Variants in TTC29 observed in about 807,000 individuals in gnomAD.
The protein encoded by TTC29 is tetratricopeptide repeat protein 29.
A neutral mutation model predicts 58.1 loss-of-function variants in TTC29; 49 were observed. That is an observed-to-expected ratio of 0.84 (90% CI 0.67 to 1.07). TTC29 has a LOEUF of 1.07. Among genes scored for constraint, TTC29 ranks in the 50% least tolerant of loss-of-function variants. The pLI is 0.00. For synonymous variants in TTC29, 209 were observed against 196.8 expected, an observed-to-expected ratio of 1.06 and a Z score of -0.52; for missense variants, 582 against 555.6, an observed-to-expected ratio of 1.05 and a Z score of -0.48.
intron 5 of TTC29, among the ~76,000 whole-genome samples, chr4:146,904,356 G>A (rs1733380131): frequency 1.3e-5 from 2 of 152,038 alleles, no homozygotes; most frequent in South Asian, 4.1e-4. Flanking sequence ...TTTTCTATGG[G>A]TATTTTTTTG....
intron 6 of TTC29, among the ~76,000 whole-genome samples, chr4:146,891,081 C>T (rs959969848): frequency 6.6e-5 from 10 of 152,022 alleles, no homozygotes; most frequent in Admixed American, 2.6e-4. Flanking sequence ...TGAAGGGGCT[C>T]AGAAGTTTAT....
intron 11 of TTC29, among the ~76,000 whole-genome samples, chr4:146,744,882 C>T (rs953178351): frequency 5.9e-5 from 9 of 152,056 alleles, no homozygotes; most frequent in Admixed American, 2.0e-4. Context: ...CCCAACAAGA[C>T]GTGTGAGTTG....
intron 11 of TTC29, among the ~76,000 whole-genome samples, chr4:146,741,942 T>G (rs17021891): frequency 0.048 from 7,325 of 152,262 alleles, 601 homozygotes; most frequent in African/African-American, 0.17. Flanking sequence ...GCCAAGGAAC[T>G]TTATCACAAT....
intron 6 of TTC29, among the ~76,000 whole-genome samples, chr4:146,893,373 G>A (rs1732520332): frequency 6.6e-6 from 1 of 152,054 alleles, no homozygotes; most frequent in Non-Finnish European, 1.5e-5. Context: ...CAAAAATAAT[G>A]CCATGTATCT....
intron 11 of TTC29, among the ~76,000 whole-genome samples, chr4:146,769,047 T>A (rs991372309): frequency 1.3e-5 from 2 of 152,026 alleles, no homozygotes; most frequent in African/African-American, 4.8e-5. Context: ...TCTTATTCAA[T>A]AAACAGAAAT....
chr4:146,934,712 T>C (rs1266403334), intron 4 of TTC29, among the ~76,000 whole-genome samples: 1 of 152,052 alleles, frequency 6.6e-6, no homozygotes, highest in East Asian at 1.9e-4. Flanking sequence ...AGTGCTCCAG[T>C]GTGGAGAAAA....
intron 4 of TTC29, among the ~76,000 whole-genome samples, chr4:146,910,893 G>T (rs1463966326): frequency 6.6e-6 from 1 of 152,160 alleles, no homozygotes; most frequent in Non-Finnish European, 1.5e-5. Flanking sequence ...AATTGCGATC[G>T]ATAGAGGAGA....
chr4:146,763,463 A>G (rs1747059269), intron 11 of TTC29, among the ~76,000 whole-genome samples: 1 of 152,014 alleles, frequency 6.6e-6, no homozygotes, highest in Non-Finnish European at 1.5e-5. Flanking sequence ...ACCAGAATGT[A>G]GTGTAGGGTA....
At chr4:146,771,117 T>C (rs1445932497) in intron 11 of TTC29, among the ~76,000 whole-genome samples, 1 of 152,054 alleles carries the variant, frequency 6.6e-6, no homozygotes, top group African/African-American at 2.4e-5. Context: ...TTTGATACAG[T>C]GTAAGACCTC....
At chr4:146,783,342 T>G (rs1481456929) in intron 11 of TTC29, among the ~76,000 whole-genome samples, 2 of 148,746 alleles carry the variant, frequency 1.3e-5, no homozygotes, top group Admixed American at 1.3e-4. Context: ...TCTTCTTCAT[T>G]TTTTTTTTTT....
chr4:146,708,391 T>C (rs1169800970), intron 11 of TTC29, among the ~76,000 whole-genome samples: 2 of 145,782 alleles, frequency 1.4e-5, no homozygotes, highest in Non-Finnish European at 3.0e-5. Context: ...TAAATACATA[T>C]ATAAACATAT....
intron 8 of TTC29, among the ~76,000 whole-genome samples, chr4:146,843,685 G>T (rs1417686234): frequency 6.6e-6 from 1 of 151,892 alleles, no homozygotes; most frequent in African/African-American, 2.4e-5. Context: ...CCTTCCAAAA[G>T]TATGATTTGG....
Position 146,838,432 on chromosome 4 carries a change from G to C in TTC29, c.886-4535C>G, listed in dbSNP as rs1728649797. On this transcript the variant is annotated intron_variant, in intron 8 of 12. Coordinates refer to ENST00000325106, the MANE Select transcript of TTC29 (RefSeq NM_031956.4). ...AAATAGAATATCTATCTGTCTTAGA[G>C]AAAGTAGAAAAATATCCTTGCTTTT... Among the ~76,000 whole-genome samples the C allele has an allele frequency of 1.1e-4, 17 of 152,036 alleles. No individual in the cohort carries two copies. In the South Asian group the frequency reaches 3.5e-3, roughly 32 times the overall value.
intron 8 of TTC29, among the ~76,000 whole-genome samples, chr4:146,836,703 T>G (rs1728532200): frequency 6.6e-6 from 1 of 152,010 alleles, no homozygotes; most frequent in African/African-American, 2.4e-5. Flanking sequence ...AACAGACACT[T>G]GAAAAGATGA....
chr4:146,792,367 A>G (rs1394090918), intron 11 of TTC29, among the ~76,000 whole-genome samples: 1 of 152,234 alleles, frequency 6.6e-6, no homozygotes, highest in African/African-American at 2.4e-5. Context: ...ATGGAACAAC[A>G]AAGACTGGAT....
chr4:146,907,099 T>G (rs1187574025), intron 5 of TTC29, among the ~76,000 whole-genome samples: 1 of 152,212 alleles, frequency 6.6e-6, no homozygotes, highest in African/African-American at 2.4e-5. Flanking sequence ...TCCAGCCTGG[T>G]TGACAGAACA....
intron 6 of TTC29, among the ~76,000 whole-genome samples, chr4:146,875,585 A>G (rs1731204907): frequency 6.6e-6 from 1 of 152,122 alleles, no homozygotes; most frequent in South Asian, 2.1e-4. Context: ...CCTGAGCTCA[A>G]GCGATCCTTC....
intron 4 of TTC29, 145 bp from the exon 5 acceptor site, chr4:146,909,394 C>A: frequency 1.5e-6 from 1 of 659,380 alleles, no homozygotes; most frequent in Non-Finnish European, 2.6e-6. Flanking sequence ...AGATCTTTGC[C>A]TCAAACACTT....
intron 11 of TTC29, among the ~76,000 whole-genome samples, chr4:146,735,513 T>G (rs1055879174): frequency 1.2e-4 from 19 of 152,194 alleles, no homozygotes; most frequent in African/African-American, 4.6e-4. Context: ...AGGTTATTCT[T>G]GAGGGAATAG....
Sources: gnomAD v4.1 joint callset for allele counts (sites outside exome capture counted in the v4.1 genomes callset) on GRCh38, gnomAD v4.1.1 for gene constraint, MANE v1.5 for transcripts, NCBI Gene and HGNC (gene_info 2026-07-23, HGNC 2026-07-21) for gene names.